B4GALNT4: variants seen among roughly 807,000 people sequenced by gnomAD.
B4GALNT4 encodes the protein N-acetyl-beta-glucosaminyl-glycoprotein 4-beta-N-acetylgalactosaminyltransferase 1.
Under a neutral mutation model 110.0 loss-of-function variants are expected in B4GALNT4, and 77 were observed. That is an observed-to-expected ratio of 0.70 (90% CI 0.58 to 0.85). The LOEUF is 0.85. Ranked by LOEUF, B4GALNT4 falls within the 40% of genes least tolerant of loss-of-function variation. B4GALNT4 has a pLI of 0.00. For synonymous variants in B4GALNT4, 785 were observed against 655.5 expected, an observed-to-expected ratio of 1.20 and a Z score of -3.02; for missense variants, 1,575 against 1,506.0, an observed-to-expected ratio of 1.05 and a Z score of -0.76.
intron 14 of B4GALNT4, among the ~76,000 whole-genome samples, chr11:378,206 G>A (rs915710316): frequency 1.5e-4 from 23 of 152,220 alleles, no homozygotes; most frequent in African/African-American, 5.3e-4. Context: ...ACTGTTTCTT[G>A]TGTGCATGAT....
rs753782000 is a variant in B4GALNT4 at position 375,988 on chromosome 11, C to T, written c.1095+32C>T. 34 of 1,605,430 alleles carry T rather than the reference C, an allele frequency of 2.1e-5. No homozygotes were observed. The East Asian group carries it at 6.7e-4, about 32-fold the overall frequency. Reference sequence around the variant, plus strand: ...GCGGCTGGAGACCCCGTCTCCCGTCCGGGACTCCGCGGAGCCTTCTCCAGC... The same window carrying T: ...GCGGCTGGAGACCCCGTCTCCCGTCTGGGACTCCGCGGAGCCTTCTCCAGC... On this transcript the variant is annotated intron_variant, in intron 11 of 19. Transcript: ENST00000329962.
intron 17 of B4GALNT4, 38 bp from the exon 18 acceptor site, chr11:380,254 G>A: frequency 6.2e-7 from 1 of 1,609,646 alleles, no homozygotes; most frequent in Non-Finnish European, 8.5e-7. Context: ...GCCCGGGGAG[G>A]AGCGGAGGGC....
chr11:380,421 G>T lies in B4GALNT4; in HGVS notation c.2845G>T (p.Gly949Trp). 6.2e-7 allele frequency: 1 copy of T among 1,607,878 alleles called. No individual in the cohort carries two copies. The change falls in exon 18 of 20, where the codon GGG (glycine) becomes TGG (tryptophan). Residue 949 changes from glycine to tryptophan, a missense_variant. By Grantham distance (184) the Gly-to-Trp change is radical. Transcript: ENST00000329962. ...GCCCGTGGTCATGCGCCTGAGCTGC[G>T]GGAGCTCGCCCCGGGACCCCCACGG... is the stretch of plus-strand genomic sequence containing the variant. ...FAPVVMRLSC[G>W]SSPRDPHGYW...
Position 379,892 on chromosome 11 carries a change from C to T in B4GALNT4, c.2515C>T (p.Gln839Ter). 1 of 1,606,208 alleles carries T rather than the reference C, an allele frequency of 6.2e-7. No individual in the cohort carries two copies. Among genetic ancestry groups the T allele is most frequent in the Non-Finnish European group, 8.5e-7 (1 of 1,177,660 alleles). ...GAAAAACCAGGCACGGTGGGTGGCA[C>T]AGTTCCTGGCGGACATGGCTGCGCT... ...PVKNQARWVA[Q>*]FLADMAALHA... The change falls in exon 16 of 20, where the codon CAG (glutamine) becomes TAG (stop). Residue 839 changes from glutamine to a stop codon, truncating the protein, a stop_gained. Coordinates refer to ENST00000329962, the MANE Select transcript of B4GALNT4 (RefSeq NM_178537.5). LOFTEE classifies it high-confidence loss of function.
In B4GALNT4 at chr11:376,704, G is replaced by A; in HGVS notation, c.1581G>A (p.Val527=). The stretch of plus-strand genomic sequence containing the variant: ...AGCAGCCGCCCCCAAAGGTGTACGT[G>A]ACCAGGGTGCGGCCGGGACAGCGGG... ...AVEQPPPKVY[V]TRVRPGQRAS... The change falls in exon 14 of 20, where the codon GTG becomes GTA. Residue 527 remains valine (V), a synonymous_variant. Transcript: ENST00000329962. 7.1e-7 allele frequency: 1 copy of A among 1,418,018 alleles called. No individual in the cohort carries two copies. The allele number at this position is 1,418,018 out of a possible 1,614,324, so 87.8% of individuals were successfully genotyped here.
chr11:379,565 C>G lies in B4GALNT4; in HGVS notation c.2352C>G (p.Ala784=). 1 of 1,586,646 alleles carries G rather than the reference C, an allele frequency of 6.3e-7. No individual in the cohort carries two copies. Among genetic ancestry groups the G allele is most frequent in the Non-Finnish European group, 8.6e-7 (1 of 1,168,500 alleles). The stretch of plus-strand genomic sequence containing the variant: ...ACGTCTTCCTGCGGCTGCCGGGAGC[C>G]CGCGTAGGGGATGCAGACGGAGAAA... The part of the protein sequence containing the change: ...SEYVFLRLPG[A]RVGDADGESP... The change falls in exon 15 of 20, where the codon GCC becomes GCG. Residue 784 remains alanine, a synonymous_variant. Transcript: ENST00000329962.
intron 8 of B4GALNT4, 143 bp from the exon 9 acceptor site, chr11:375,318 C>T (rs1374014076): frequency 1.1e-6 from 1 of 871,734 alleles, no homozygotes; most frequent in Non-Finnish European, 1.9e-6. Flanking sequence ...CTTGGAACGC[C>T]CCGGACCCCT....
intron 1 of B4GALNT4, 98 bp downstream of exon 1, chr11:370,052 G>GCGGGCGGCT (rs1273410483): frequency 0.036 from 5,534 of 152,646 alleles, 251 homozygotes; most frequent in East Asian, 0.18. Flanking sequence ...CGCGGGCGGC[G>GCGGGCGGCT]GGGGCCCCGG....
rs1288623820 is a variant in B4GALNT4 at position 375,029 on chromosome 11, AGGT to A, written c.784-429_784-427del. Among the ~76,000 whole-genome samples the A allele has an allele frequency of 1.0e-2, 4 of 402 alleles. 1 individual carries two copies. Among genetic ancestry groups the A allele is most frequent in the Admixed American group, 0.029 (2 of 68 alleles). The allele number at this position is 402 out of a possible 152,430, so 0.3% of individuals were successfully genotyped here. A position where few individuals can be genotyped will look rare whatever the true frequency, so the allele number is the denominator to read the frequency against. On this transcript the variant is annotated intron_variant, in intron 8 of 19. Coordinates refer to ENST00000329962, the MANE Select transcript of B4GALNT4 (RefSeq NM_178537.5). ...GGAGGGAGGAGGAAGGGAGGGAGGG[AGGT>A]GGAAGGGAGGGAGGAGGAAGGGAGG...
chr11:375,699 T>G lies in B4GALNT4; in HGVS notation c.911T>G (p.Val304Gly). 1.3e-6 allele frequency: 2 copies of G among 1,593,736 alleles called. No individual in the cohort carries two copies. Among genetic ancestry groups the G allele is most frequent in the Non-Finnish European group, 1.7e-6 (2 of 1,174,628 alleles). Residue 304 changes from valine to glycine, a missense_variant, in exon 10 of 20, where the codon GTG (valine) becomes GGG (glycine). Val to Gly is a moderately radical substitution (Grantham distance 109). Coordinates refer to ENST00000329962, the MANE Select transcript of B4GALNT4 (RefSeq NM_178537.5). ...AHVPQSPASH[V>G]GGRPPQEETS... ...GTCCCCCAGTCTCCAGCCAGCCACG[T>G]GGGGGGGCGTCCGCCGCAGGAGGAG...
In B4GALNT4 at chr11:377,324, G is replaced by GCGGGTATGGGGGCGGCC. The variant is rs1204833054; in HGVS notation, c.2202_2204+14dup. 2 of 1,535,934 alleles carry GCGGGTATGGGGGCGGCC rather than the reference G, an allele frequency of 1.3e-6. No individual in the cohort carries two copies. The highest frequency in any genetic ancestry group is 1.7e-6 in the Non-Finnish European group (2 of 1,144,716). On this transcript the variant is annotated frameshift_variant, in exon 14 of 20. Coordinates refer to ENST00000329962, the MANE Select transcript of B4GALNT4 (RefSeq NM_178537.5). LOFTEE classifies it high-confidence loss of function. Reference sequence around the variant, plus strand: ...ATGGAGCGGCTGAACGCGCGCCACGGCGGGTATGGGGGCGGCCGAACGCGC... The same window carrying GCGGGTATGGGGGCGGCC: ...ATGGAGCGGCTGAACGCGCGCCACGGCGGGTATGGGGGCGGCCCGGGTATGGGGGCGGCCGAACGCGC...
At position 380,283 on chromosome 11, in the gene B4GALNT4, A is replaced by T. The variant is rs1476875784; in HGVS notation, c.2716-9A>T. On this transcript the variant is annotated splice_polypyrimidine_tract_variant and intron_variant, in intron 17 of 19. Transcript: ENST00000329962. ...GGAGGGCGGGGCTCAGACCTCCCGC[A>T]CCCCCCAGGACGCCAGCAGCATCGT... The T allele has an allele frequency of 1.2e-6, 2 of 1,611,374 alleles. No homozygotes were observed. The highest frequency in any genetic ancestry group is 1.7e-6 in the Non-Finnish European group (2 of 1,179,106).
Position 377,333 on chromosome 11 carries a change from G to T in B4GALNT4, c.2204+6G>T. ...CTGAACGCGCGCCACGGCGGGTATG[G>T]GGGCGGCCGAACGCGCGCCAGGGCG... On this transcript the variant is annotated splice_donor_region_variant and intron_variant, in intron 14 of 19. Transcript: ENST00000329962. 1 of 1,512,082 alleles carries T rather than the reference G, an allele frequency of 6.6e-7. No homozygotes were observed. The allele number at this position is 1,512,082 out of a possible 1,614,324, so 93.7% of individuals were successfully genotyped here.
intron 14 of B4GALNT4, 31 bp from the exon 15 acceptor site, chr11:379,387 C>T: frequency 1.4e-6 from 2 of 1,458,538 alleles, no homozygotes; most frequent in Non-Finnish European, 1.8e-6. Context: ...GGCTGGAAGC[C>T]CCAGTACCGG....
rs1457244868 is a variant in B4GALNT4, at chr11:376,578, G to A, written c.1455G>A (p.Gly485=). The change falls in exon 14 of 20, where the codon GGG becomes GGA. Residue 485 remains glycine (G), a synonymous_variant. Coordinates refer to ENST00000329962, the MANE Select transcript of B4GALNT4 (RefSeq NM_178537.5). ...APPTPPRPRD[G]GTPRHSRALS... The stretch of plus-strand genomic sequence containing the variant: ...CGACCCCTCCCCGCCCCCGGGACGG[G>A]GGGACCCCCAGGCACTCCCGGGCCC... 2.2e-6 allele frequency: 3 copies of A among 1,354,578 alleles called. No homozygotes were observed. In the South Asian group the frequency reaches 5.1e-5, roughly 23 times the overall value. The allele number at this position is 1,354,578 out of a possible 1,614,324, so 83.9% of individuals were successfully genotyped here.
chr11:375,791 C>G lies in B4GALNT4; in HGVS notation c.985+18C>G. On this transcript the variant is annotated intron_variant, in intron 10 of 19. Coordinates refer to ENST00000329962, the MANE Select transcript of B4GALNT4 (RefSeq NM_178537.5). The stretch of plus-strand genomic sequence containing the variant: ...TTTCCTCAGTGAGAGGGGGCCCGCG[C>G]GGGGGCGAGGGCGGGGGTGCCTGCC... The G allele has an allele frequency of 6.2e-7, 1 of 1,601,100 alleles. No individual in the cohort carries two copies.
chr11:373,591 G>A, intron 7 of B4GALNT4, 75 bp downstream of exon 7: 3 of 1,555,680 alleles, frequency 1.9e-6, no homozygotes, highest in Non-Finnish European at 1.8e-6. Context: ...TCCTTATCCT[G>A]TGCACACTTG....
At position 373,133 on chromosome 11, in the gene B4GALNT4, G is replaced by C; in HGVS notation, c.535+17G>C. ...CGAGGGACGGTACGGGGGTGAGGGTGCCCCGGGGGAGGGGTGCCGTGAGGC... is the reference window on the plus strand; with the variant it reads ...CGAGGGACGGTACGGGGGTGAGGGTCCCCCGGGGGAGGGGTGCCGTGAGGC... On this transcript the variant is annotated intron_variant, in intron 5 of 19. Transcript: ENST00000329962. 1 of 1,612,516 alleles carries C rather than the reference G, an allele frequency of 6.2e-7. No homozygotes were observed. The highest frequency in any genetic ancestry group is 1.1e-5 in the South Asian group (1 of 91,084).
chr11:376,017 T>C, intron 11 of B4GALNT4, 57 bp from the exon 12 acceptor site: 2 of 1,603,680 alleles, frequency 1.2e-6, no homozygotes, highest in South Asian at 1.1e-5. Flanking sequence ...CTCCAGCCCC[T>C]TGGGAGGCCG....
Sources: allele counts gnomAD v4.1 joint callset (sites outside exome capture counted in the v4.1 genomes callset), GRCh38; gene constraint gnomAD v4.1.1; transcripts MANE v1.5; gene names NCBI Gene and HGNC (gene_info 2026-07-23, HGNC 2026-07-21).